SPEF2: variants seen among roughly 807,000 people sequenced by gnomAD.
The protein encoded by SPEF2 is sperm flagella and cilia-associated protein 2.
In SPEF2, 187 loss-of-function variants were observed where a neutral mutation model predicts 224.6. That is an observed-to-expected ratio of 0.83 (90% CI 0.74 to 0.94). SPEF2 has a LOEUF of 0.94. Among genes scored for constraint, SPEF2 ranks in the 40% least tolerant of loss-of-function variants. SPEF2 has a pLI of 0.00. For synonymous variants in SPEF2, 715 were observed against 707.3 expected (o/e 1.01, Z -0.17); for missense variants, 2,170 against 2,135.6 (o/e 1.02, Z -0.32).
intron 32 of SPEF2, among the ~76,000 whole-genome samples, 160 bp from the exon 33 acceptor site, chr5:35,795,543 A>T (rs1466266084): frequency 6.6e-6 from 1 of 152,238 alleles, no homozygotes. Context: ...AGAAATGTAA[A>T]TGGAAGTTCT....
chr5:35,663,248 A>G (rs999364877), intron 8 of SPEF2, among the ~76,000 whole-genome samples: 2 of 152,050 alleles, frequency 1.3e-5, no homozygotes, highest in Non-Finnish European at 2.9e-5. Context: ...TTCATCCACA[A>G]CCATGGTGAA....
intron 30 of SPEF2, chr5:35,788,672 G>C: frequency 2.8e-6 from 2 of 703,020 alleles, no homozygotes; most frequent in Admixed American, 2.0e-5. Flanking sequence ...GGTTGGTTTT[G>C]GAAGTGATGG....
chr5:35,794,810 A>G (rs1359322637), intron 32 of SPEF2, among the ~76,000 whole-genome samples: 2 of 152,186 alleles, frequency 1.3e-5, no homozygotes, highest in Admixed American at 6.5e-5. Context: ...TCTTAGAGAA[A>G]GTTGGATGCT....
chr5:35,745,300 A>T (rs1748318556), intron 23 of SPEF2, among the ~76,000 whole-genome samples: 1 of 152,044 alleles, frequency 6.6e-6, no homozygotes, highest in Non-Finnish European at 1.5e-5. Context: ...TAACAATTTG[A>T]ACTGGGCAAG....
intron 33 of SPEF2, 123 bp from the exon 34 acceptor site, chr5:35,799,845 T>C: frequency 2.1e-6 from 2 of 973,722 alleles, no homozygotes; most frequent in Non-Finnish European, 3.1e-6. Context: ...ATGTTAGCTT[T>C]ACTAATTCAA....
intron 16 of SPEF2, among the ~76,000 whole-genome samples, chr5:35,702,975 G>A (rs1326862655): frequency 2.0e-5 from 3 of 151,990 alleles, no homozygotes; most frequent in Non-Finnish European, 4.4e-5. Flanking sequence ...AGAGAAGGAA[G>A]GATTGCAGTG....
chr5:35,648,409 C>G (rs1057186642), intron 5 of SPEF2, among the ~76,000 whole-genome samples: 7 of 149,842 alleles, frequency 4.7e-5, no homozygotes, highest in Non-Finnish European at 8.9e-5. Flanking sequence ...TTTTTTGACA[C>G]AGTCTTACTC....
intron 30 of SPEF2, 47 bp downstream of exon 30, chr5:35,779,393 T>C (rs1459378633): frequency 6.9e-7 from 1 of 1,453,024 alleles, no homozygotes; most frequent in Non-Finnish European, 9.4e-7. Context: ...AAGGTTAAGA[T>C]TAACCAGGAC....
At chr5:35,758,390 T>C (rs886119905) in intron 24 of SPEF2, among the ~76,000 whole-genome samples, 1 of 152,156 alleles carries the variant, frequency 6.6e-6, no homozygotes, top group Non-Finnish European at 1.5e-5. Context: ...ATACACCATA[T>C]TGTCCTAAAC....
chr5:35,619,632 G>A lies in SPEF2; in HGVS notation c.58+1577G>A, dbSNP rs1244689164. Among the ~76,000 whole-genome samples, 5 of 152,138 alleles carry A rather than the reference G, an allele frequency of 3.3e-5. 1 individual carries two copies. The highest frequency in any genetic ancestry group is 4.2e-4 in the South Asian group (2 of 4,800). On this transcript the variant is annotated intron_variant, in intron 1 of 36. Coordinates refer to ENST00000356031, the MANE Select transcript of SPEF2 (RefSeq NM_024867.4). ...GCAGAGATTGCAGTGAGCCGAGATC[G>A]CGCCACTGCACTCCAGTCTGGGCAA... is the stretch of plus-strand genomic sequence containing the variant.
chr5:35,624,608 TCA>T lies in SPEF2; in HGVS notation c.59-3851_59-3850del, dbSNP rs533934010. 7.0e-3 allele frequency among the ~76,000 whole-genome samples: 1,061 copies of T among 152,238 alleles called. 14 individuals carry two copies. The highest frequency in any genetic ancestry group is 0.025 in the African/African-American group (1,026 of 41,554). On this transcript the variant is annotated intron_variant, in intron 1 of 36. Coordinates refer to ENST00000356031, the MANE Select transcript of SPEF2 (RefSeq NM_024867.4). ...CTCTCCCTATCACCTTTGTCCTCTC[TCA>T]ATCTCTCTCTCTCTCTGGCTTCCTA...
At chr5:35,619,307 C>G (rs992487791) in intron 1 of SPEF2, among the ~76,000 whole-genome samples, 2 of 152,180 alleles carry the variant, frequency 1.3e-5, no homozygotes, top group African/African-American at 4.8e-5. Context: ...AATAAAATAT[C>G]ATGCCCTTAA....
Position 35,739,925 on chromosome 5 carries a change from C to T in SPEF2, c.3070C>T (p.Pro1024Ser). The T allele has an allele frequency of 6.2e-7, 1 of 1,613,108 alleles. No individual in the cohort carries two copies. The highest frequency in any genetic ancestry group is 8.5e-7 in the Non-Finnish European group (1 of 1,179,774). The change falls in exon 22 of 37, where the codon CCT (proline) becomes TCT (serine). Residue 1024 changes from proline (P) to serine (S), a missense_variant. Pro to Ser is a moderately conservative substitution (Grantham distance 74, BLOSUM62 -1). Coordinates refer to ENST00000356031, the MANE Select transcript of SPEF2 (RefSeq NM_024867.4). ...YVNEPVPEEM[P>S]LFLVPYWELI... ...ACACTTTACCATTTAACAGGAAATGCCTTTGTTTTTAGTACCTTACTGGGA... is the reference window on the plus strand; with the variant it reads ...ACACTTTACCATTTAACAGGAAATGTCTTTGTTTTTAGTACCTTACTGGGA...
At chr5:35,662,963 C>A (rs1287750156) in intron 8 of SPEF2, among the ~76,000 whole-genome samples, 1 of 152,082 alleles carries the variant, frequency 6.6e-6, no homozygotes, top group Non-Finnish European at 1.5e-5. Context: ...CTATTAAGGT[C>A]TTTAAGGTTT....
intron 8 of SPEF2, 127 bp from the exon 9 acceptor site, chr5:35,666,945 A>G: frequency 1.3e-6 from 1 of 787,076 alleles, no homozygotes; most frequent in Non-Finnish European, 2.0e-6. Context: ...TTCATTCATG[A>G]TTAATTTTTT....
chr5:35,686,975 G>T (rs915942581), intron 10 of SPEF2, among the ~76,000 whole-genome samples: 8 of 151,860 alleles, frequency 5.3e-5, no homozygotes, highest in African/African-American at 1.9e-4. Flanking sequence ...ATGTGCAGAA[G>T]ATTTTATTTT....
intron 3 of SPEF2, among the ~76,000 whole-genome samples, chr5:35,643,965 G>A (rs1187183952): frequency 6.6e-6 from 1 of 151,946 alleles, no homozygotes. Flanking sequence ...ACTAAGGAGT[G>A]GCTAAGCAAT....
chr5:35,643,568 G>C (rs1294508546), intron 3 of SPEF2: 3 of 455,792 alleles, frequency 6.6e-6, no homozygotes, highest in South Asian at 3.1e-5. Context: ...AATGGTACAA[G>C]GACAAGATGG....
chr5:35,724,312 T>TTAAA (rs1374464003), intron 20 of SPEF2, among the ~76,000 whole-genome samples: 24 of 152,142 alleles, frequency 1.6e-4, no homozygotes, highest in African/African-American at 5.8e-4. Flanking sequence ...TTTAAATAAA[T>TTAAA]TAAATAAATA....
Sources: allele counts gnomAD v4.1 joint callset (sites outside exome capture counted in the v4.1 genomes callset), GRCh38; gene constraint gnomAD v4.1.1; transcripts MANE v1.5; gene names NCBI Gene and HGNC (gene_info 2026-07-23, HGNC 2026-07-21).